The following NFATC3 variants were observed in gnomAD, a reference collection of about 807,000 sequenced individuals.
The protein encoded by NFATC3 is nuclear factor of activated T-cells, cytoplasmic 3.
A neutral mutation model predicts 98.6 loss-of-function variants in NFATC3; 46 were observed. The observed-to-expected ratio is 0.47, with a 90% CI of 0.37 to 0.60. NFATC3 has a LOEUF of 0.60. Ranked by LOEUF, NFATC3 falls within the 20% of genes least tolerant of loss-of-function variation. The probability of loss-of-function intolerance (pLI) is 0.00; values close to 1 mark genes in which losing one functional copy is unlikely to be tolerated. For missense variants in NFATC3, 1,256 were observed against 1,295.5 expected, an observed-to-expected ratio of 0.97 and a Z score of 0.47; for synonymous variants, 512 against 472.2, an observed-to-expected ratio of 1.08 and a Z score of -1.09.
At chr16:68,113,728 C>G (rs2036109276) in intron 1 of NFATC3, among the ~76,000 whole-genome samples, 1 of 152,250 alleles carries the variant, frequency 6.6e-6, no homozygotes, top group African/African-American at 2.4e-5. Context: ...CGTAGAGGCT[C>G]CTTCCCAGGG....
At chr16:68,119,029 G>A (rs917005462) in intron 1 of NFATC3, among the ~76,000 whole-genome samples, 3 of 151,998 alleles carry the variant, frequency 2.0e-5, no homozygotes, top group East Asian at 1.9e-4. Flanking sequence ...CACCACGCCC[G>A]GCTAATTTTT....
At chr16:68,141,587 C>G (rs181347198) in intron 3 of NFATC3, among the ~76,000 whole-genome samples, 2 of 151,742 alleles carry the variant, frequency 1.3e-5, no homozygotes, top group Admixed American at 6.6e-5. Context: ...TTTTTTCATA[C>G]GTTTGTGGGC....
chr16:68,176,532 T>C (rs891419644), intron 6 of NFATC3, among the ~76,000 whole-genome samples: 5 of 152,174 alleles, frequency 3.3e-5, no homozygotes, highest in African/African-American at 1.2e-4. Context: ...ACTGGATATT[T>C]CGATATTGTC....
chr16:68,171,875 G>A (rs575651761), intron 5 of NFATC3, among the ~76,000 whole-genome samples: 1 of 152,090 alleles, frequency 6.6e-6, no homozygotes, highest in African/African-American at 2.4e-5. Context: ...TGCAACCTCC[G>A]CCTCCTGGGT....
At chr16:68,125,519 T>A (rs960629321) in intron 2 of NFATC3, among the ~76,000 whole-genome samples, 2 of 152,142 alleles carry the variant, frequency 1.3e-5, no homozygotes, top group African/African-American at 4.8e-5. Context: ...TATTGCTGAA[T>A]GGAAGCAGTT....
intron 5 of NFATC3, among the ~76,000 whole-genome samples, chr16:68,172,255 G>A (rs111256129): frequency 3.9e-5 from 6 of 152,266 alleles, no homozygotes; most frequent in African/African-American, 1.4e-4. Context: ...AGCTGGGAAT[G>A]GATGCTTTCC....
chr16:68,164,026 G>C (rs1241541879), intron 4 of NFATC3, among the ~76,000 whole-genome samples: 1 of 146,940 alleles, frequency 6.8e-6, no homozygotes, highest in African/African-American at 2.5e-5. Context: ...CTGCAATCTC[G>C]GCACTTTGGG....
At chr16:68,109,695 T>G (rs8047978) in intron 1 of NFATC3, among the ~76,000 whole-genome samples, 34,783 of 152,068 alleles carry the variant, frequency 0.23, 4,485 homozygotes, top group African/African-American at 0.34. Context: ...CTGTAAATCT[T>G]TCTGGTCCTG....
chr16:68,092,050 TC>T (rs2034739792), intron 1 of NFATC3, among the ~76,000 whole-genome samples: 1 of 152,226 alleles, frequency 6.6e-6, no homozygotes, highest in Non-Finnish European at 1.5e-5. Flanking sequence ...TGTATGACTT[TC>T]ACCTGTTGGC....
At chr16:68,172,671 C>T (rs1355199640) in intron 5 of NFATC3, among the ~76,000 whole-genome samples, 1 of 151,940 alleles carries the variant, frequency 6.6e-6, no homozygotes, top group Non-Finnish European at 1.5e-5. Flanking sequence ...AGTCCCAGCT[C>T]CTAGGGAGGG....
chr16:68,203,605 C>T (rs1197287752), intron 9 of NFATC3, among the ~76,000 whole-genome samples: 1 of 152,144 alleles, frequency 6.6e-6, no homozygotes, highest in Non-Finnish European at 1.5e-5. Context: ...TGCACTTCAA[C>T]TTGGGCGACA....
At chr16:68,185,935 TA>T (rs2040181649) in intron 8 of NFATC3, among the ~76,000 whole-genome samples, 1 of 128,690 alleles carries the variant, frequency 7.8e-6, no homozygotes, top group African/African-American at 2.9e-5. Context: ...GGGAGGACAA[TA>T]AAAAGGCAGA....
chr16:68,214,297 A>G (rs1308636868), intron 9 of NFATC3: 1 of 1,559,512 alleles, frequency 6.4e-7, no homozygotes. Context: ...GGTTTGTTCC[A>G]TTCAGTAGTG....
At chr16:68,184,235 A>C (rs1195741205) in intron 8 of NFATC3, among the ~76,000 whole-genome samples, 2 of 152,146 alleles carry the variant, frequency 1.3e-5, no homozygotes, top group African/African-American at 4.8e-5. Context: ...ATCAGTGATG[A>C]TAAAGAATAT....
intron 9 of NFATC3, among the ~76,000 whole-genome samples, chr16:68,208,751 G>T (rs955340508): frequency 6.6e-6 from 1 of 151,832 alleles, no homozygotes; most frequent in Non-Finnish European, 1.5e-5. Context: ...CCCAAAACAA[G>T]AATTGTTTTC....
In NFATC3 at chr16:68,122,502, T is replaced by C. The variant is rs2036621000; in HGVS notation, c.619T>C (p.Ser207Pro). 1 of 1,614,100 alleles carries C rather than the reference T, an allele frequency of 6.2e-7. No homozygotes were observed. Among genetic ancestry groups the C allele is most frequent in the Non-Finnish European group, 8.5e-7 (1 of 1,180,026 alleles). The change falls in exon 2 of 10, where the codon TCC becomes CCC. Residue 207 changes from serine to proline, a missense_variant. Coordinates refer to ENST00000346183, the MANE Select transcript of NFATC3 (RefSeq NM_173165.3). ...NEAAARFTLG[S>P]PLTSPGGSPG... The stretch of plus-strand genomic sequence containing the variant: ...AGCTGCAGCCCGATTTACCCTTGGA[T>C]CCCCTCTGACTTCTCCTGGTGGCTC...
At position 68,100,908 on chromosome 16, in the gene NFATC3, GT is replaced by G. The variant is rs879814665; in HGVS notation, c.103+15125del. ...AGTTCTGTGTGTGTGTGTGTGTGGG[GT>G]GTGTGTGTGTGTGTGTGTGTGTGAA... is the stretch of plus-strand genomic sequence containing the variant. On this transcript the variant is annotated intron_variant, in intron 1 of 9. Transcript: ENST00000346183. 2.6e-3 allele frequency among the ~76,000 whole-genome samples: 271 copies of G among 102,958 alleles called. 1 individual carries two copies. Among genetic ancestry groups the G allele is most frequent in the South Asian group, 0.019 (74 of 3,918 alleles). The allele number at this position is 102,958 out of a possible 152,430, so 67.5% of individuals were successfully genotyped here. A position where few individuals can be genotyped will look rare whatever the true frequency, so the allele number is the denominator to read the frequency against.
chr16:68,107,295 G>T (rs938363946), intron 1 of NFATC3, among the ~76,000 whole-genome samples: 1 of 152,146 alleles, frequency 6.6e-6, no homozygotes, highest in Non-Finnish European at 1.5e-5. Context: ...TGATATTTTT[G>T]GTTCTAGGTC....
At chr16:68,157,483 CTGT>C (rs1186236496) in intron 3 of NFATC3, among the ~76,000 whole-genome samples, 1 of 152,144 alleles carries the variant, frequency 6.6e-6, no homozygotes, top group African/African-American at 2.4e-5. Context: ...ATTTAACAGT[CTGT>C]TAGAGGACCT....
Sources: allele counts gnomAD v4.1 joint callset (sites outside exome capture counted in the v4.1 genomes callset), GRCh38; gene constraint gnomAD v4.1.1; transcripts MANE v1.5; gene names NCBI Gene and HGNC (gene_info 2026-07-23, HGNC 2026-07-21).